The following SMOC2 variants were observed in gnomAD, a reference collection of about 807,000 sequenced individuals.
SMOC2 encodes SPARC related modular calcium binding 2.
A neutral mutation model predicts 61.4 loss-of-function variants in SMOC2; 39 were observed. The observed-to-expected ratio is 0.64, with a 90% CI of 0.49 to 0.83. The LOEUF is 0.83. Among genes scored for constraint, SMOC2 ranks in the 40% least tolerant of loss-of-function variants. SMOC2 has a pLI of 0.00. For synonymous variants in SMOC2, 247 were observed against 239.9 expected (o/e 1.03, Z -0.27); for missense variants, 556 against 592.9 (o/e 0.94, Z 0.65).
intron 7 of SMOC2, among the ~76,000 whole-genome samples, chr6:168,596,452 C>T (rs192264343): frequency 1.5e-5 from 2 of 137,494 alleles, no homozygotes; most frequent in African/African-American, 3.0e-5. Flanking sequence ...CATGAGCAAG[C>T]GCCACGTGAA....
At chr6:168,651,994 C>CCACA (rs1562405533) in intron 10 of SMOC2, among the ~76,000 whole-genome samples, 1 of 150,542 alleles carries the variant, frequency 6.6e-6, no homozygotes, top group Non-Finnish European at 1.5e-5. Flanking sequence ...TGAGCCAAGA[C>CCACA]CACACCATTG....
intron 11 of SMOC2, among the ~76,000 whole-genome samples, chr6:168,654,271 C>T (rs1344069787): frequency 2.0e-5 from 1 of 49,462 alleles, no homozygotes; most frequent in African/African-American, 6.8e-5. Context: ...AACCCTGCTC[C>T]TGAGCTCCAA....
intron 7 of SMOC2, among the ~76,000 whole-genome samples, chr6:168,549,937 T>G (rs950403644): frequency 3.9e-5 from 6 of 152,246 alleles, no homozygotes; most frequent in Non-Finnish European, 5.9e-5. Flanking sequence ...CTCCAAATTG[T>G]GTGCATTTTG....
intron 8 of SMOC2, among the ~76,000 whole-genome samples, chr6:168,600,153 C>T (rs1583148683): frequency 6.6e-6 from 1 of 152,132 alleles, no homozygotes; most frequent in East Asian, 1.9e-4. Flanking sequence ...CGCCTGTAAT[C>T]CCAGAACCGT....
rs1314876297 is a variant in SMOC2, at chr6:168,667,131, C to T, written c.*693C>T. 6.6e-6 allele frequency: 1 copy of T among 152,184 alleles called. No homozygotes were observed. Among genetic ancestry groups the T allele is most frequent in the Admixed American group, 6.5e-5 (1 of 15,276 alleles). 9.4% of individuals were successfully genotyped at this position (152,184 alleles called of 1,614,324 possible). On this transcript the variant is annotated 3_prime_UTR_variant, in exon 13 of 13. Transcript: ENST00000356284. Reference sequence around the variant, plus strand: ...GTTTTGCCCTGGGGCTTGAATGAGTCCCAGAGAGTCGTTCGGATGGTGGGA... The same window carrying T: ...GTTTTGCCCTGGGGCTTGAATGAGTTCCAGAGAGTCGTTCGGATGGTGGGA...
chr6:168,560,512 C>T (rs57987480), intron 7 of SMOC2, among the ~76,000 whole-genome samples: 9,639 of 135,142 alleles, frequency 0.071, 1,091 homozygotes, highest in African/African-American at 0.11. Context: ...ATGTGAGGCT[C>T]TCACTGCGTT....
intron 7 of SMOC2, among the ~76,000 whole-genome samples, chr6:168,562,791 G>T (rs1375539613): frequency 6.6e-6 from 1 of 152,214 alleles, no homozygotes; most frequent in South Asian, 2.1e-4. Flanking sequence ...CCCCGGGAGA[G>T]CGTTGCCCGT....
intron 7 of SMOC2, among the ~76,000 whole-genome samples, chr6:168,583,521 C>T (rs1401793046): frequency 1.3e-5 from 2 of 152,216 alleles, no homozygotes; most frequent in Non-Finnish European, 2.9e-5. Context: ...ACAGGCTCTG[C>T]TGGGGGTTCC....
At chr6:168,636,815 C>T (rs1398621342) in intron 9 of SMOC2, among the ~76,000 whole-genome samples, 3 of 151,536 alleles carry the variant, frequency 2.0e-5, no homozygotes, top group Non-Finnish European at 4.4e-5. Context: ...GGCACACATG[C>T]CTGGCCCTGG....
intron 8 of SMOC2, among the ~76,000 whole-genome samples, chr6:168,603,732 T>G (rs1313919966): frequency 6.7e-6 from 1 of 148,424 alleles, no homozygotes. Flanking sequence ...AAACCAGTAA[T>G]CCACAAGAGG....
At chr6:168,630,654 G>T (rs1291981868) in intron 9 of SMOC2, among the ~76,000 whole-genome samples, 1 of 152,204 alleles carries the variant, frequency 6.6e-6, no homozygotes, top group East Asian at 1.9e-4. Context: ...GGTGAGCCGG[G>T]TGGAACAGAG....
At chr6:168,625,792 G>T (rs1187719513) in intron 9 of SMOC2, among the ~76,000 whole-genome samples, 7 of 152,154 alleles carry the variant, frequency 4.6e-5, no homozygotes, top group Admixed American at 6.5e-5. Flanking sequence ...GCAAGGGCAG[G>T]GCAGCCGCTC....
At chr6:168,506,224 C>G (rs995200642) in intron 1 of SMOC2, among the ~76,000 whole-genome samples, 3 of 152,064 alleles carry the variant, frequency 2.0e-5, no homozygotes, top group Non-Finnish European at 2.9e-5. Flanking sequence ...CTGATAGAGA[C>G]AGAGTCTCAC....
intron 1 of SMOC2, among the ~76,000 whole-genome samples, chr6:168,454,263 A>G (rs1781530369): frequency 6.6e-6 from 1 of 152,120 alleles, no homozygotes; most frequent in African/African-American, 2.4e-5. Context: ...AGGAGGCCCA[A>G]GGGCTCTGTG....
At chr6:168,477,961 C>G (rs1037209251) in intron 1 of SMOC2, among the ~76,000 whole-genome samples, 1 of 152,174 alleles carries the variant, frequency 6.6e-6, no homozygotes, top group Non-Finnish European at 1.5e-5. Context: ...GAAAACTGCT[C>G]ATAAAGGTCT....
At chr6:168,641,999 ATTTTC>A (rs1313872467) in intron 9 of SMOC2, among the ~76,000 whole-genome samples, 5 of 152,318 alleles carry the variant, frequency 3.3e-5, no homozygotes, top group Admixed American at 2.0e-4. Flanking sequence ...AAAAGTAGTA[ATTTTC>A]TTTTCAGCTG....
In SMOC2 at chr6:168,558,517, C is replaced by T. The variant is rs185394685; in HGVS notation, c.637+9314C>T. Among the ~76,000 whole-genome samples the T allele has an allele frequency of 7.3e-4, 111 of 152,280 alleles. 1 individual carries two copies. The highest frequency in any genetic ancestry group is 2.1e-3 in the African/African-American group (86 of 41,566). On this transcript the variant is annotated intron_variant, in intron 7 of 12. Coordinates refer to ENST00000356284, the MANE Select transcript of SMOC2 (RefSeq NM_001166412.2). ...GGGCCTGGGCTGGTTCTCGGCCCCC[C>T]CTGTGTGATCCTGATCAATGCATTT...
intron 1 of SMOC2, among the ~76,000 whole-genome samples, chr6:168,503,665 C>T (rs995818488): frequency 6.6e-6 from 1 of 152,146 alleles, no homozygotes; most frequent in Non-Finnish European, 1.5e-5. Flanking sequence ...TGGAAAAATG[C>T]AGAACCAGCA....
At chr6:168,546,870 C>A (rs371567213) in intron 5 of SMOC2, among the ~76,000 whole-genome samples, 1 of 152,162 alleles carries the variant, frequency 6.6e-6, no homozygotes, top group Non-Finnish European at 1.5e-5. Context: ...TAGAACTGAT[C>A]GGATATTTTC....
Sources: gnomAD v4.1 joint callset for allele counts (sites outside exome capture counted in the v4.1 genomes callset) on GRCh38, gnomAD v4.1.1 for gene constraint, MANE v1.5 for transcripts, NCBI Gene and HGNC (gene_info 2026-07-23, HGNC 2026-07-21) for gene names.